The following FHAD1 variants were observed in gnomAD, a reference collection of about 807,000 sequenced individuals.
FHAD1 encodes forkhead-associated domain-containing protein 1.
In FHAD1, 146 loss-of-function variants were observed where a neutral mutation model predicts 191.3. That is an observed-to-expected ratio of 0.76 (90% confidence interval 0.67 to 0.88). FHAD1 has a LOEUF of 0.88. FHAD1 is among the 40% of genes least tolerant of loss of function. FHAD1 has a pLI of 0.00. For synonymous variants in FHAD1, 616 were observed against 672.3 expected (o/e 0.92, Z 1.29); for missense variants, 1,635 against 1,785.8 (o/e 0.92, Z 1.52).
chr1:15,303,243 T>A lies in FHAD1; in HGVS notation c.915+1802T>A, dbSNP rs80194994. Among the ~76,000 whole-genome samples, 600 of 152,278 alleles carry A rather than the reference T, an allele frequency of 3.9e-3. 26 individuals are homozygous for A. The East Asian group carries it at 0.1, about 26-fold the overall frequency. On this transcript the variant is annotated intron_variant, in intron 6 of 33. Transcript: ENST00000688493. ...GGCAGTGACCCTCCTTCAGACCTGTTTTTGAAAGAGCAATGAAAGGAGCTG... is the reference window on the plus strand; with the variant it reads ...GGCAGTGACCCTCCTTCAGACCTGTATTTGAAAGAGCAATGAAAGGAGCTG...
intron 1 of FHAD1, among the ~76,000 whole-genome samples, chr1:15,238,060 C>A (rs911133131): frequency 3.3e-5 from 5 of 151,748 alleles, no homozygotes; most frequent in African/African-American, 1.2e-4. Flanking sequence ...ACCAGCCTGA[C>A]CCCTGGTAAA....
chr1:15,339,414 A>G, intron 14 of FHAD1, 67 bp from the exon 15 acceptor site: 2 of 749,526 alleles, frequency 2.7e-6, no homozygotes, highest in East Asian at 6.5e-5. Context: ...CGTTGCTTTC[A>G]TCCACCTGTC....
chr1:15,385,623 A>C (rs1474628422), intron 31 of FHAD1, among the ~76,000 whole-genome samples: 2 of 152,106 alleles, frequency 1.3e-5, no homozygotes, highest in Non-Finnish European at 2.9e-5. Context: ...AAAAATAAAC[A>C]AATTAGCCAG....
intron 20 of FHAD1, among the ~76,000 whole-genome samples, chr1:15,356,450 G>A (rs76317789): frequency 0.026 from 3,946 of 152,238 alleles, 168 homozygotes; most frequent in African/African-American, 0.088. Flanking sequence ...CATCTCTGGC[G>A]TGGCCAGGGC....
intron 2 of FHAD1, among the ~76,000 whole-genome samples, chr1:15,264,167 AAAG>A (rs1283494563): frequency 6.6e-6 from 1 of 152,190 alleles, no homozygotes; most frequent in East Asian, 1.9e-4. Context: ...TTCTGGGAAA[AAAG>A]AACACCATTG....
In FHAD1 at chr1:15,375,634, A is replaced by G. The variant is rs17368978; in HGVS notation, c.3609A>G (p.Leu1203=). The part of the protein sequence containing the change: ...DHKDHQNESF[L]DLKNLRMENN... ...AAGACCACCAGAATGAATCATTTCT[A>G]GATTTAAAGAACCTCAGAATGGAAA... The change falls in exon 28 of 34, where the codon CTA becomes CTG. Residue 1203 remains leucine (L), a synonymous_variant. Coordinates refer to ENST00000688493, the MANE Select transcript of FHAD1 (RefSeq NM_001391957.1). 81,832 of 1,542,614 alleles carry G rather than the reference A, an allele frequency of 0.053. 2,391 individuals are homozygous for G. The highest frequency in any genetic ancestry group is 0.077 in the African/African-American group (5,613 of 72,526).
chr1:15,369,652 C>T, intron 26 of FHAD1, 150 bp downstream of exon 26: 2 of 891,826 alleles, frequency 2.2e-6, no homozygotes, highest in Non-Finnish European at 3.4e-6. Context: ...AGAATACTGC[C>T]TCTTTAGTCA....
At chr1:15,279,450 T>C (rs1659681299) in intron 3 of FHAD1, among the ~76,000 whole-genome samples, 1 of 88,840 alleles carries the variant, frequency 1.1e-5, no homozygotes, top group South Asian at 3.8e-4. Context: ...GGGTTACCTC[T>C]CTCGGCTTTG....
Position 15,382,097 on chromosome 1 carries a change from G to C in FHAD1, c.4092G>C (p.Glu1364Asp), listed in dbSNP as rs1281571731. The C allele has an allele frequency of 6.4e-7, 1 of 1,552,152 alleles. No individual in the cohort carries two copies. The highest frequency in any genetic ancestry group is 8.7e-7 in the Non-Finnish European group (1 of 1,147,104). ...AGCTGGAGGATGATATCTACAAAGA[G>C]GCCGAAGAGAAGGCCCTGCTGAAGG... ...VAKLEDDIYK[E>D]AEEKALLKEA... The change falls in exon 31 of 34, where the codon GAG becomes GAC. Residue 1364 changes from glutamate (E) to aspartate (D), a missense_variant. By Grantham distance (45) the Glu-to-Asp change is conservative. Transcript: ENST00000688493.
chr1:15,356,508 C>A (rs1443386454), intron 20 of FHAD1, among the ~76,000 whole-genome samples: 1 of 152,174 alleles, frequency 6.6e-6, no homozygotes, highest in Non-Finnish European at 1.5e-5. Context: ...GTGCGTGCTA[C>A]GTGACCCAGG....
chr1:15,249,168 A>G (rs1646463816), intron 1 of FHAD1, among the ~76,000 whole-genome samples: 1 of 152,198 alleles, frequency 6.6e-6, no homozygotes, highest in African/African-American at 2.4e-5. Flanking sequence ...GATAAGCTCA[A>G]GGAAGGAGCC....
chr1:15,237,782 GTC>G (rs34010671), intron 1 of FHAD1, among the ~76,000 whole-genome samples: 17,707 of 152,166 alleles, frequency 0.12, 1,138 homozygotes, highest in African/African-American at 0.18. Context: ...AAAAGAGAGA[GTC>G]TGTGTTGAGT....
At chr1:15,348,974 A>G in intron 18 of FHAD1, 68 bp from the exon 19 acceptor site, 3 of 937,754 alleles carry the variant, frequency 3.2e-6, no homozygotes, top group South Asian at 1.5e-5. Flanking sequence ...TATTATTATC[A>G]TTATCATTAC....
intron 23 of FHAD1, 69 bp downstream of exon 23, chr1:15,362,795 A>C (rs2102695967): frequency 8.1e-7 from 1 of 1,227,094 alleles, no homozygotes; most frequent in East Asian, 2.5e-5. Context: ...GCAAACAGGC[A>C]ACCAGCCCCT....
At chr1:15,367,913 C>T (rs1396697029) in intron 25 of FHAD1, among the ~76,000 whole-genome samples, 1 of 152,170 alleles carries the variant, frequency 6.6e-6, no homozygotes, top group Non-Finnish European at 1.5e-5. Context: ...TGCACTCTGT[C>T]TAACCTACCA....
At chr1:15,328,141 C>G (rs748517598) in intron 12 of FHAD1, 136 bp from the exon 13 acceptor site, 32 of 579,036 alleles carry the variant, frequency 5.5e-5, no homozygotes, top group Non-Finnish European at 7.5e-5. Flanking sequence ...CAAGACATAT[C>G]AGGACCTCTG....
chr1:15,347,838 T>C (rs1689462386), intron 18 of FHAD1, among the ~76,000 whole-genome samples: 1 of 152,256 alleles, frequency 6.6e-6, no homozygotes, highest in Non-Finnish European at 1.5e-5. Context: ...CTTGAGGTCA[T>C]GTTCAAAGTT....
chr1:15,324,917 T>G, intron 11 of FHAD1: 1 of 299,788 alleles, frequency 3.3e-6, no homozygotes, highest in Non-Finnish European at 6.4e-6. Context: ...ACAATCTTTC[T>G]TCCCCTTGGG....
intron 26 of FHAD1, among the ~76,000 whole-genome samples, chr1:15,371,041 T>C (rs2102833947): frequency 6.6e-6 from 1 of 152,312 alleles, no homozygotes; most frequent in East Asian, 1.9e-4. Context: ...AATTGTCTCC[T>C]GGTTGCTCAG....
Sources: allele counts gnomAD v4.1 joint callset (sites outside exome capture counted in the v4.1 genomes callset), GRCh38; gene constraint gnomAD v4.1.1; transcripts MANE v1.5; gene names NCBI Gene and HGNC (gene_info 2026-07-23, HGNC 2026-07-21).